Variants in RECQL5 observed in about 807,000 individuals in gnomAD.
RECQL5 encodes the protein RecQ like helicase 5.
A neutral mutation model predicts 103.4 loss-of-function variants in RECQL5; 88 were observed. The observed-to-expected ratio is 0.85, with a 90% CI of 0.72 to 1.02. The LOEUF (loss-of-function observed/expected upper bound fraction) is 1.02, where lower values mean the gene tolerates loss of function less well. Among genes scored for constraint, RECQL5 ranks in the 50% least tolerant of loss-of-function variants. The probability of loss-of-function intolerance (pLI) is 0.00; values close to 1 mark genes in which losing one functional copy is unlikely to be tolerated. For synonymous variants in RECQL5, 552 were observed against 507.9 expected (o/e 1.09, Z -1.17); for missense variants, 1,232 against 1,284.3 (o/e 0.96, Z 0.62).
At chr17:75,650,582 C>T in intron 8 of RECQL5, 1 of 1,574,008 alleles carries the variant, frequency 6.4e-7, no homozygotes, top group Non-Finnish European at 8.6e-7. Flanking sequence ...GAGATGAATC[C>T]AAGAGCTTTT....
chr17:75,634,201 A>G (rs2059275911), intron 8 of RECQL5: 1 of 985,390 alleles, frequency 1.0e-6, no homozygotes. Flanking sequence ...CTGAGCTCCC[A>G]GGTGAGTGGC....
intron 8 of RECQL5, chr17:75,650,379 C>T (rs967699868): frequency 1.7e-6 from 2 of 1,185,108 alleles, no homozygotes; most frequent in Non-Finnish European, 2.1e-6. Context: ...GATTTCCTCG[C>T]TTTTTTCTTG....
At position 75,666,559 on chromosome 17, in the gene RECQL5, T is replaced by G. The variant is rs2059785767; in HGVS notation, c.-2A>C. On this transcript the variant is annotated 5_prime_UTR_variant, in exon 2 of 20. Coordinates refer to ENST00000317905, the MANE Select transcript of RECQL5 (RefSeq NM_004259.7). ...AAAGGTGGTATGGTGGCTGCTCATC[T>G]TAGCCAAGAACAGTGGCCAAAGGTT... is the stretch of plus-strand genomic sequence containing the variant. The G allele has an allele frequency of 2.5e-6, 4 of 1,614,030 alleles. No homozygotes were observed. The South Asian group carries it at 4.4e-5, about 18-fold the overall frequency.
chr17:75,650,783 C>T, intron 8 of RECQL5: 1 of 1,569,946 alleles, frequency 6.4e-7, no homozygotes, highest in Non-Finnish European at 8.6e-7. Flanking sequence ...TAAGTGGGGC[C>T]ACAGGCTTCT....
chr17:75,630,260 T>G lies in RECQL5; in HGVS notation c.1736A>C (p.Lys579Thr), dbSNP rs1385228409. 1.9e-6 allele frequency: 3 copies of G among 1,560,506 alleles called. No homozygotes were observed. The African/African-American group carries it at 4.1e-5, about 21-fold the overall frequency. ...TGTCTCATGTTCCAGCTCCACGGCC[T>G]TGGCCCGGAGGTCAGCTCTGTGGGT... ...RTADEADLRA[K>T]AVELEHETFR... The change falls in exon 14 of 20, where the codon AAG becomes ACG. Residue 579 changes from lysine to threonine, a missense_variant. By Grantham distance (78) the Lys-to-Thr change is moderately conservative. Transcript: ENST00000317905.
rs2059545612 is a variant in RECQL5, at chr17:75,650,813, G to A, written c.1229+373C>T. On this transcript the variant is annotated intron_variant, in intron 8 of 19. Coordinates refer to ENST00000317905, the MANE Select transcript of RECQL5 (RefSeq NM_004259.7). ...GCTTCTGTGTGGGTCCTGGATAAGG[G>A]TGAGGACTACTCAAGTGATGCCAGA... 2.0e-6 allele frequency: 3 copies of A among 1,530,502 alleles called. No individual in the cohort carries two copies. In the East Asian group the frequency reaches 7.4e-5, roughly 38 times the overall value. The allele number at this position is 1,530,502 out of a possible 1,614,324, so 94.8% of individuals were successfully genotyped here.
intron 8 of RECQL5, chr17:75,633,679 G>A: frequency 8.6e-7 from 1 of 1,156,146 alleles, no homozygotes; most frequent in Non-Finnish European, 1.1e-6. Flanking sequence ...CCAGGGAGTG[G>A]CCAGAGGGAC....
intron 8 of RECQL5, chr17:75,650,806 G>T: frequency 6.5e-7 from 1 of 1,542,856 alleles, no homozygotes; most frequent in Non-Finnish European, 8.7e-7. Flanking sequence ...GTGGGTCCTG[G>T]ATAAGGGTGA....
At chr17:75,651,347 T>C in intron 7 of RECQL5, 82 bp from the exon 8 acceptor site, 1 of 1,520,178 alleles carries the variant, frequency 6.6e-7, no homozygotes, top group Non-Finnish European at 9.1e-7. Flanking sequence ...GGAGGCCGAG[T>C]GCGGTGGCTC....
chr17:75,661,678 T>C lies in RECQL5; in HGVS notation c.802A>G (p.Thr268Ala), dbSNP rs77330501. The change falls in exon 5 of 20, where the codon ACT becomes GCT. Residue 268 changes from threonine (T) to alanine (A), a missense_variant. Thr to Ala is a moderately conservative substitution (Grantham distance 58, BLOSUM62 0). Transcript: ENST00000317905. Reference sequence around the variant, plus strand: ...GCCAGCTGTTCACAAGCCTCTCTAGTCCTGCAGTACACAATGCCGCAGCCA... The same window carrying C: ...GCCAGCTGTTCACAAGCCTCTCTAGCCCTGCAGTACACAATGCCGCAGCCA... Reference protein sequence around the residue: ...LSGCGIVYCRTREACEQLAIE... With the variant: ...LSGCGIVYCRAREACEQLAIE... 2.6e-5 allele frequency: 42 copies of C among 1,614,072 alleles called. No homozygotes were observed. Among genetic ancestry groups the C allele is most frequent in the Non-Finnish European group, 3.4e-5 (40 of 1,180,000 alleles).
intron 8 of RECQL5, 56 bp downstream of exon 8, chr17:75,651,130 G>A (rs375802405): frequency 3.0e-5 from 48 of 1,613,582 alleles, no homozygotes; most frequent in African/African-American, 2.5e-4. Flanking sequence ...AGGGCGTGCC[G>A]GGGAAGTAAA....
intron 8 of RECQL5, chr17:75,633,752 CCCT>C: frequency 1.9e-6 from 2 of 1,041,920 alleles, no homozygotes; most frequent in Non-Finnish European, 2.3e-6. Flanking sequence ...TGCAGGACTC[CCCT>C]CCACAGGCTC....
At chr17:75,647,074 A>C (rs1465277407) in intron 8 of RECQL5, among the ~76,000 whole-genome samples, 1 of 152,178 alleles carries the variant, frequency 6.6e-6, no homozygotes. Flanking sequence ...CCTTGCTCAC[A>C]CTTGCTACTC....
rs757746264 is a variant in RECQL5, at chr17:75,629,744, A to G, written c.1911T>C (p.Asn637=). ...CSAQAEPPEP[N]EYDIPPASHV... Reference sequence around the variant, plus strand: ...GGGAGGCTGGTGGAATGTCATACTCATTGGGCTCCGGGGGCTCAGCTTGGG... The same window carrying G: ...GGGAGGCTGGTGGAATGTCATACTCGTTGGGCTCCGGGGGCTCAGCTTGGG... Residue 637 remains asparagine (N), a synonymous_variant, in exon 15 of 20, where the codon AAT becomes AAC. Transcript: ENST00000317905. 1 of 1,613,268 alleles carries G rather than the reference A, an allele frequency of 6.2e-7. No homozygotes were observed. The highest frequency in any genetic ancestry group is 8.5e-7 in the Non-Finnish European group (1 of 1,179,548).
intron 8 of RECQL5, among the ~76,000 whole-genome samples, chr17:75,648,680 T>C (rs1687769992): frequency 6.7e-6 from 1 of 149,028 alleles, no homozygotes; most frequent in Non-Finnish European, 1.5e-5. Context: ...CCTTTTTTTT[T>C]TTTTTTTTTT....
rs1190927902 is a variant in RECQL5 at position 75,636,947 on chromosome 17, G to C, written c.1230-5279C>G. On this transcript the variant is annotated intron_variant, in intron 8 of 19. Transcript: ENST00000317905. The surrounding 1 kb of genome is among the most constrained non-coding windows in gnomAD (Gnocchi z 5.4). ...CCAGTCAGCCCCCTAGGGAAGCCCT[G>C]GGCGCAAAGCTATGACACTGTCCAC... 6.6e-6 allele frequency: 1 copy of C among 152,222 alleles called. No homozygotes were observed. Among genetic ancestry groups the C allele is most frequent in the Non-Finnish European group, 1.5e-5 (1 of 68,058 alleles). The allele number at this position is 152,222 out of a possible 1,614,324, so 9.4% of individuals were successfully genotyped here. A position where few individuals can be genotyped will look rare whatever the true frequency, so the allele number is the denominator to read the frequency against.
chr17:75,650,939 A>C, intron 8 of RECQL5: 7 of 1,448,462 alleles, frequency 4.8e-6, no homozygotes, highest in Non-Finnish European at 6.3e-6. Flanking sequence ...ATCCCAGAAG[A>C]GGGTGGAGTG....
At chr17:75,659,218 T>C (rs1331311774) in intron 6 of RECQL5, among the ~76,000 whole-genome samples, 2 of 152,078 alleles carry the variant, frequency 1.3e-5, no homozygotes, top group African/African-American at 4.8e-5. Flanking sequence ...GGCGCCACCA[T>C]GCCCAGCTAA....
At chr17:75,653,771 G>A (rs965724232) in intron 7 of RECQL5, among the ~76,000 whole-genome samples, 5 of 152,014 alleles carry the variant, frequency 3.3e-5, no homozygotes, top group Admixed American at 2.0e-4. Context: ...GGTGGTGGGC[G>A]CCTGTAATCC....
Sources: gnomAD v4.1 joint callset for allele counts (sites outside exome capture counted in the v4.1 genomes callset) on GRCh38, gnomAD v4.1.1 for gene constraint, Gnocchi (gnomAD v3.1) non-coding constraint, MANE v1.5 for transcripts, NCBI Gene and HGNC (gene_info 2026-07-23, HGNC 2026-07-21) for gene names.